The following SASS6 variants were observed in gnomAD, a reference collection of about 807,000 sequenced individuals.
SASS6 encodes SAS-6 centriolar assembly protein, also known as spindle assembly abnormal protein 6 homolog.
A neutral mutation model predicts 94.9 loss-of-function variants in SASS6; 59 were observed. That is an observed-to-expected ratio of 0.62 (90% CI 0.50 to 0.77). The LOEUF (loss-of-function observed/expected upper bound fraction) is 0.77, where lower values mean the gene tolerates loss of function less well. Ranked by LOEUF, SASS6 falls within the 30% of genes least tolerant of loss-of-function variation. The pLI is 0.00. For missense variants in SASS6, 698 were observed against 734.1 expected (o/e 0.95, Z 0.57); for synonymous variants, 264 against 270.0 (o/e 0.98, Z 0.22).
At chr1:100,128,030 A>G (rs557614290) in intron 1 of SASS6, among the ~76,000 whole-genome samples, 2 of 151,482 alleles carry the variant, frequency 1.3e-5, no homozygotes, top group Admixed American at 6.6e-5. Flanking sequence ...TTTTATTTTA[A>G]TTATTTATTT....
chr1:100,114,667 G>A (rs542469508), intron 7 of SASS6, among the ~76,000 whole-genome samples: 3 of 152,072 alleles, frequency 2.0e-5, no homozygotes, highest in South Asian at 2.1e-4. Context: ...GCAGTGAGCC[G>A]GGACCACACC....
chr1:100,122,003 C>T (rs1654233889), intron 4 of SASS6, among the ~76,000 whole-genome samples: 1 of 152,112 alleles, frequency 6.6e-6, no homozygotes, highest in South Asian at 2.1e-4. Flanking sequence ...ACTGATTCAA[C>T]AACAATCGTC....
chr1:100,125,097 T>G (rs1654506533), intron 2 of SASS6, among the ~76,000 whole-genome samples: 1 of 152,084 alleles, frequency 6.6e-6, no homozygotes, highest in Non-Finnish European at 1.5e-5. Flanking sequence ...GAAGGTTATA[T>G]GAGACTGATA....
At position 100,132,840 on chromosome 1, in the gene SASS6, G is replaced by A. The variant is rs1229834184; in HGVS notation, c.-26C>T. The A allele has an allele frequency of 6.2e-7, 1 of 1,609,338 alleles. No homozygotes were observed. ...GTTGGCTCGCTGCCTCGGCTGGTGT[G>A]CAGAAAAGCCCAACAGGCCCGGCCC... is the stretch of plus-strand genomic sequence containing the variant. On this transcript the variant is annotated 5_prime_UTR_variant, in exon 1 of 17. Coordinates refer to ENST00000287482, the MANE Select transcript of SASS6 (RefSeq NM_194292.3).
intron 14 of SASS6, among the ~76,000 whole-genome samples, chr1:100,100,092 C>A (rs537474971): frequency 6.6e-6 from 1 of 152,066 alleles, no homozygotes; most frequent in East Asian, 1.9e-4. Context: ...ATGGTGAAAC[C>A]CCGTCTCTAC....
intron 14 of SASS6, among the ~76,000 whole-genome samples, chr1:100,092,007 CAAAAAAAAAAAAAAA>C (rs34503110): frequency 8.2e-4 from 41 of 50,024 alleles, no homozygotes; most frequent in Admixed American, 2.2e-3. Context: ...GACCCTGTCT[CAAAAAAAAAAAAAAA>C]AAAAAAAAAA....
rs1570719209 is a variant in SASS6 at position 100,132,869 on chromosome 1, G to C, written c.-55C>G. The stretch of plus-strand genomic sequence containing the variant: ...AAAAGCCCAACAGGCCCGGCCCTCG[G>C]GATTAGCCTGAGAGGTCCGGGTCCT... On this transcript the variant is annotated 5_prime_UTR_variant, in exon 1 of 17. Coordinates refer to ENST00000287482, the MANE Select transcript of SASS6 (RefSeq NM_194292.3). The C allele has an allele frequency of 1.3e-6, 2 of 1,515,176 alleles. No homozygotes were observed. The highest frequency in any genetic ancestry group is 4.5e-5 in the East Asian group (2 of 44,426). The allele number at this position is 1,515,176 out of a possible 1,614,324, so 93.9% of individuals were successfully genotyped here. A position where few individuals can be genotyped will look rare whatever the true frequency, so the allele number is the denominator to read the frequency against.
intron 14 of SASS6, among the ~76,000 whole-genome samples, chr1:100,090,121 GAAATA>G (rs1651573684): frequency 6.6e-6 from 1 of 151,856 alleles, no homozygotes; most frequent in Non-Finnish European, 1.5e-5. Context: ...AATGAAAAAT[GAAATA>G]AAATGCACAA....
chr1:100,117,409 T>C (rs1046116768), intron 7 of SASS6, among the ~76,000 whole-genome samples: 14 of 152,068 alleles, frequency 9.2e-5, no homozygotes, highest in Non-Finnish European at 1.6e-4. Flanking sequence ...TCCCAGCACT[T>C]TGGGAGGCCA....
chr1:100,085,668 C>T, intron 15 of SASS6, 38 bp from the exon 16 acceptor site: 1 of 1,254,212 alleles, frequency 8.0e-7, no homozygotes, highest in South Asian at 1.2e-5. Context: ...TTAACAAAGT[C>T]TTTATTAACT....
In SASS6 at chr1:100,084,014, A is replaced by G. The variant is rs577832602; in HGVS notation, c.*1314T>C. 1 of 152,050 alleles carries G rather than the reference A, an allele frequency of 6.6e-6. No homozygotes were observed. Among genetic ancestry groups the G allele is most frequent in the South Asian group, 2.1e-4 (1 of 4,814 alleles). 9.4% of individuals were successfully genotyped at this position (152,050 alleles called of 1,614,324 possible). A position where few individuals can be genotyped will look rare whatever the true frequency, so the allele number is the denominator to read the frequency against. ...TACTGTACCAAGTATTCTCACTAAT[A>G]CAGTAGTGTATCTAAATGGGGGAGG... On this transcript the variant is annotated 3_prime_UTR_variant, in exon 17 of 17. Coordinates refer to ENST00000287482, the MANE Select transcript of SASS6 (RefSeq NM_194292.3).
intron 1 of SASS6, among the ~76,000 whole-genome samples, chr1:100,130,770 G>T (rs1280541394): frequency 6.6e-6 from 1 of 151,642 alleles, no homozygotes; most frequent in Non-Finnish European, 1.5e-5. Context: ...AAATTATTCT[G>T]TAAAGGGCCA....
intron 14 of SASS6, among the ~76,000 whole-genome samples, chr1:100,099,847 C>T (rs1652341355): frequency 6.6e-6 from 1 of 152,162 alleles, no homozygotes; most frequent in South Asian, 2.1e-4. Context: ...ACAGAATTGT[C>T]TCCCTAAGCC....
chr1:100,118,659 G>A (rs1403346848), intron 7 of SASS6, among the ~76,000 whole-genome samples: 2 of 152,082 alleles, frequency 1.3e-5, no homozygotes, highest in African/African-American at 4.8e-5. Flanking sequence ...ATCACATTAA[G>A]CGAAGAAAGT....
At chr1:100,087,389 A>G (rs914199533) in intron 15 of SASS6, among the ~76,000 whole-genome samples, 1 of 152,262 alleles carries the variant, frequency 6.6e-6, no homozygotes, top group African/African-American at 2.4e-5. Flanking sequence ...TTTGTAATGT[A>G]GAACTAGGAT....
intron 14 of SASS6, among the ~76,000 whole-genome samples, chr1:100,101,485 T>C (rs537702099): frequency 6.6e-6 from 1 of 152,112 alleles, no homozygotes; most frequent in Non-Finnish European, 1.5e-5. Flanking sequence ...ATAGTATTAT[T>C]TTATAAGCCA....
chr1:100,086,024 T>C (rs1412276120), intron 15 of SASS6, among the ~76,000 whole-genome samples: 3 of 151,648 alleles, frequency 2.0e-5, no homozygotes, highest in Non-Finnish European at 4.4e-5. Context: ...CTCTTCGAAA[T>C]TTTCTAGTGC....
Position 100,122,500 on chromosome 1 carries a change from G to T in SASS6, c.207-16C>A. The stretch of plus-strand genomic sequence containing the variant: ...GAATTTTAAACTATACAGAAGAAAG[G>T]AAAAGAAATTTTTTAAAAATTTTAA... On this transcript the variant is annotated splice_polypyrimidine_tract_variant and intron_variant, in intron 3 of 16. Transcript: ENST00000287482. The T allele has an allele frequency of 9.3e-7, 1 of 1,076,366 alleles. No individual in the cohort carries two copies. Among genetic ancestry groups the T allele is most frequent in the Non-Finnish European group, 1.4e-6 (1 of 735,926 alleles). 66.7% of individuals were successfully genotyped at this position (1,076,366 alleles called of 1,614,324 possible).
intron 13 of SASS6, among the ~76,000 whole-genome samples, chr1:100,104,278 G>C (rs943957164): frequency 2.6e-5 from 4 of 152,172 alleles, no homozygotes; most frequent in South Asian, 2.1e-4. Context: ...AAACAGTCTT[G>C]TTTTTGTATT....
Sources: gnomAD v4.1 joint callset for allele counts (sites outside exome capture counted in the v4.1 genomes callset) on GRCh38, gnomAD v4.1.1 for gene constraint, MANE v1.5 for transcripts, NCBI Gene and HGNC (gene_info 2026-07-23, HGNC 2026-07-21) for gene names.